RALGAPA1: variants seen among roughly 807,000 people sequenced by gnomAD.
RALGAPA1 encodes ral GTPase-activating protein subunit alpha-1.
A neutral mutation model predicts 269.6 loss-of-function variants in RALGAPA1; 52 were observed. The ratio of observed to expected loss-of-function variants is 0.19; its 90% CI spans 0.15 to 0.24. The LOEUF (loss-of-function observed/expected upper bound fraction) is 0.24, where lower values mean the gene tolerates loss of function less well. RALGAPA1 is among the 10% of genes least tolerant of loss of function. The probability of loss-of-function intolerance (pLI) is 1.00; values close to 1 mark genes in which losing one functional copy is unlikely to be tolerated. For synonymous variants in RALGAPA1, 817 were observed against 1,008.3 expected, an observed-to-expected ratio of 0.81 and a Z score of 3.60; for missense variants, 1,917 against 3,013.9, an observed-to-expected ratio of 0.64 and a Z score of 8.52.
At chr14:35,740,835 A>T (rs1311922015) in intron 11 of RALGAPA1, among the ~76,000 whole-genome samples, 1 of 152,172 alleles carries the variant, frequency 6.6e-6, no homozygotes, top group Admixed American at 6.5e-5. Context: ...AAATAAAATT[A>T]AAAACCCATT....
chr14:35,791,904 CAAA>C (rs773722682), intron 1 of RALGAPA1, among the ~76,000 whole-genome samples: 4 of 11,774 alleles, frequency 3.4e-4, no homozygotes, highest in African/African-American at 9.2e-4. Context: ...GACTCTGTCT[CAAA>C]AAAAAAAAAA....
intron 16 of RALGAPA1, among the ~76,000 whole-genome samples, chr14:35,719,286 T>C (rs1199598418): frequency 3.3e-5 from 5 of 152,076 alleles, no homozygotes; most frequent in Non-Finnish European, 5.9e-5. Flanking sequence ...GGATTGCACC[T>C]CTGCACTCTA....
At chr14:35,624,290 A>C (rs1447905020) in intron 35 of RALGAPA1, among the ~76,000 whole-genome samples, 2 of 150,630 alleles carry the variant, frequency 1.3e-5, no homozygotes, top group African/African-American at 4.9e-5. Context: ...CCAAATAATT[A>C]TTTTTAAGAT....
chr14:35,646,304 A>C (rs1031583492), intron 31 of RALGAPA1, among the ~76,000 whole-genome samples: 3 of 152,214 alleles, frequency 2.0e-5, no homozygotes, highest in Non-Finnish European at 4.4e-5. Context: ...GAAAAGGATT[A>C]AACAGTAGCT....
At chr14:35,758,243 C>CAAA (rs66473514) in intron 6 of RALGAPA1, among the ~76,000 whole-genome samples, 587 of 49,610 alleles carry the variant, frequency 0.012, 1 homozygote, top group East Asian at 0.016. Flanking sequence ...GACTCTGTCT[C>CAAA]AAAAAAAAAA....
chr14:35,587,910 T>C lies in RALGAPA1; in HGVS notation c.7209+7724A>G, dbSNP rs1299182018. On this transcript the variant is annotated intron_variant, in intron 37 of 41. Coordinates refer to ENST00000680220, the MANE Select transcript of RALGAPA1 (RefSeq NM_001346249.2). ...TAAAACTCAATCATTTAACAACCCTTTTATTTTATTTTTTTGAGACAGAGT... is the reference window on the plus strand; with the variant it reads ...TAAAACTCAATCATTTAACAACCCTCTTATTTTATTTTTTTGAGACAGAGT... Among the ~76,000 whole-genome samples the C allele has an allele frequency of 2.0e-5, 3 of 147,352 alleles. No homozygotes were observed. The East Asian group carries it at 5.8e-4, about 28-fold the overall frequency.
In RALGAPA1 at chr14:35,689,805, C is replaced by T. The variant is rs777496759; in HGVS notation, c.2606G>A (p.Arg869His). ...GGAACTCTGCAAGCTTGGTGCATGACGGGATGAACTGTCAATGACAGGAAC... is the reference window on the plus strand; with the variant it reads ...GGAACTCTGCAAGCTTGGTGCATGATGGGATGAACTGTCAATGACAGGAAC... ...GAVPVIDSSS[R>H]HAPSLQSSTE... The change falls in exon 18 of 42, where the codon CGT (arginine) becomes CAT (histidine). Residue 869 changes from arginine (R) to histidine (H), a missense_variant. Arg to His is a conservative substitution (Grantham distance 29). Coordinates refer to ENST00000680220, the MANE Select transcript of RALGAPA1 (RefSeq NM_001346249.2). 3.8e-6 allele frequency: 6 copies of T among 1,563,448 alleles called. No individual in the cohort carries two copies. Among genetic ancestry groups the T allele is most frequent in the South Asian group, 2.4e-5 (2 of 83,908 alleles).
intron 35 of RALGAPA1, among the ~76,000 whole-genome samples, chr14:35,620,559 A>G (rs1360022668): frequency 6.6e-6 from 1 of 152,194 alleles, no homozygotes; most frequent in African/African-American, 2.4e-5. Flanking sequence ...TTAGGAAATG[A>G]GGAAGTCAAA....
chr14:35,742,197 T>C (rs1311322404), intron 11 of RALGAPA1, among the ~76,000 whole-genome samples, 171 bp downstream of exon 11: 1 of 152,234 alleles, frequency 6.6e-6, no homozygotes, highest in Non-Finnish European at 1.5e-5. Flanking sequence ...AGGGCTTTGC[T>C]ATACGGTACT....
intron 1 of RALGAPA1, among the ~76,000 whole-genome samples, chr14:35,794,557 C>T (rs1159046337): frequency 6.6e-6 from 1 of 152,042 alleles, no homozygotes; most frequent in African/African-American, 2.4e-5. Flanking sequence ...CCTGGGTTCA[C>T]GCCATTCTCC....
intron 27 of RALGAPA1, among the ~76,000 whole-genome samples, chr14:35,661,064 C>A (rs746206605): frequency 1.3e-5 from 2 of 152,088 alleles, no homozygotes; most frequent in African/African-American, 2.4e-5. Flanking sequence ...CTACAATTAA[C>A]AGTGATTACA....
At chr14:35,638,323 G>A (rs1204204903) in intron 31 of RALGAPA1, among the ~76,000 whole-genome samples, 1 of 152,050 alleles carries the variant, frequency 6.6e-6, no homozygotes, top group Admixed American at 6.6e-5. Context: ...AAAAAGCAGG[G>A]GGATTAAGTT....
intron 16 of RALGAPA1, among the ~76,000 whole-genome samples, chr14:35,709,036 T>C (rs935481687): frequency 6.6e-6 from 1 of 151,882 alleles, no homozygotes; most frequent in African/African-American, 2.4e-5. Context: ...ACAATTGAAA[T>C]CATGGAGATA....
At chr14:35,714,149 A>G (rs554056383) in intron 16 of RALGAPA1, among the ~76,000 whole-genome samples, 1 of 152,188 alleles carries the variant, frequency 6.6e-6, no homozygotes, top group African/African-American at 2.4e-5. Flanking sequence ...TCTTGGATAT[A>G]TACCTGTGAA....
intron 21 of RALGAPA1, among the ~76,000 whole-genome samples, chr14:35,679,854 GATAA>G (rs2065260378): frequency 6.6e-6 from 1 of 152,072 alleles, no homozygotes; most frequent in Admixed American, 6.5e-5. Flanking sequence ...ATAATCATAT[GATAA>G]TCATATATCA....
chr14:35,588,895 A>G (rs1474515543), intron 37 of RALGAPA1, among the ~76,000 whole-genome samples: 1 of 152,194 alleles, frequency 6.6e-6, no homozygotes, highest in Non-Finnish European at 1.5e-5. Context: ...AAAATGTGGT[A>G]TATATATAAA....
At chr14:35,639,218 G>C (rs1566894629) in intron 31 of RALGAPA1, among the ~76,000 whole-genome samples, 1 of 152,168 alleles carries the variant, frequency 6.6e-6, no homozygotes, top group East Asian at 1.9e-4. Flanking sequence ...GATTAATTCA[G>C]CAAGAGGATA....
chr14:35,672,729 A>C, intron 25 of RALGAPA1, 138 bp downstream of exon 25: 2 of 770,120 alleles, frequency 2.6e-6, no homozygotes, highest in Middle Eastern at 8.5e-4. Context: ...ATAAAATTGA[A>C]GTAAATTGTA....
At chr14:35,707,711 T>A (rs1296443603) in intron 16 of RALGAPA1, 3 of 152,166 alleles carry the variant, frequency 2.0e-5, no homozygotes, top group Non-Finnish European at 4.4e-5. Flanking sequence ...TTCAGTAGAC[T>A]TCACCATCTG....
Sources: allele counts gnomAD v4.1 joint callset (sites outside exome capture counted in the v4.1 genomes callset), GRCh38; gene constraint gnomAD v4.1.1; transcripts MANE v1.5; gene names NCBI Gene and HGNC (gene_info 2026-07-23, HGNC 2026-07-21).